The following ATP13A3 variants were observed in gnomAD, a reference collection of about 807,000 sequenced individuals.
ATP13A3 encodes the protein polyamine-transporting ATPase 13A3.
Under a neutral mutation model 158.1 loss-of-function variants are expected in ATP13A3, and 59 were observed. The observed-to-expected ratio is 0.37, with a 90% CI of 0.30 to 0.46. ATP13A3 has a LOEUF of 0.46. ATP13A3 is among the 20% of genes least tolerant of loss of function. The pLI is 1.00. For synonymous variants in ATP13A3, 491 were observed against 504.3 expected (o/e 0.97, Z 0.35); for missense variants, 1,166 against 1,525.2 (o/e 0.76, Z 3.92).
intron 24 of ATP13A3, among the ~76,000 whole-genome samples, chr3:194,430,664 TAA>T (rs1717150605): frequency 6.6e-6 from 1 of 152,116 alleles, no homozygotes; most frequent in Non-Finnish European, 1.5e-5. Flanking sequence ...ACCTGAAACA[TAA>T]CTGTTTACTA....
At chr3:194,433,030 T>A (rs567947877) in intron 21 of ATP13A3, among the ~76,000 whole-genome samples, 7 of 152,134 alleles carry the variant, frequency 4.6e-5, no homozygotes, top group Admixed American at 2.6e-4. Flanking sequence ...AATCATTTTC[T>A]ATGTAGCTGA....
chr3:194,444,009 C>T (rs1718225102), intron 15 of ATP13A3, among the ~76,000 whole-genome samples: 2 of 152,124 alleles, frequency 1.3e-5, no homozygotes, highest in African/African-American at 4.8e-5. Context: ...AATGTAAAAA[C>T]CACAATGTAA....
intron 29 of ATP13A3, among the ~76,000 whole-genome samples, chr3:194,426,640 G>A (rs1271437589): frequency 2.0e-5 from 3 of 152,142 alleles, no homozygotes; most frequent in African/African-American, 2.4e-5. Context: ...AAAGACAGGC[G>A]TGACCGTGAT....
intron 10 of ATP13A3, chr3:194,451,690 T>C (rs1718819047): frequency 6.6e-6 from 1 of 152,414 alleles, no homozygotes. Context: ...CAAAGCGGCT[T>C]CTGCCTCCAA....
chr3:194,487,040 C>A (rs1577101095), upstream of ATP13A3: 1 of 151,742 alleles, frequency 6.6e-6, no homozygotes, highest in Admixed American at 6.5e-5. Flanking sequence ...GGCTTCATCC[C>A]CGCGCGGAGG....
At chr3:194,432,129 A>G (rs1717269524) in intron 21 of ATP13A3, 2 of 417,696 alleles carry the variant, frequency 4.8e-6, no homozygotes, top group Non-Finnish European at 4.2e-6. Context: ...CACAATTTTT[A>G]AAGCCAAATA....
At chr3:194,465,901 G>A (rs377306478) in intron 2 of ATP13A3, among the ~76,000 whole-genome samples, 7 of 151,784 alleles carry the variant, frequency 4.6e-5, no homozygotes, top group African/African-American at 1.7e-4. Flanking sequence ...AGAATCGCTT[G>A]AATCCCAGAG....
chr3:194,447,940 T>A lies in ATP13A3; in HGVS notation c.1220A>T (p.Tyr407Phe). ...LYPKPTDFKLYRDAYLFLLCL... is the reference protein window; with the variant it reads ...LYPKPTDFKLFRDAYLFLLCL... ...TAGTAGAAACAAGTAGGCATCTCTGTAGAGTTTAAAATCAGTTGGTTTGGG... is the reference window on the plus strand; with the variant it reads ...TAGTAGAAACAAGTAGGCATCTCTGAAGAGTTTAAAATCAGTTGGTTTGGG... Residue 407 changes from tyrosine to phenylalanine, a missense_variant, in exon 13 of 34, where the codon TAC becomes TTC. Physicochemically the swap from Tyr to Phe is conservative, Grantham distance 22. Transcript: ENST00000645319. 1 of 1,611,072 alleles carries A rather than the reference T, an allele frequency of 6.2e-7. No homozygotes were observed. Among genetic ancestry groups the A allele is most frequent in the Non-Finnish European group, 8.5e-7 (1 of 1,177,320 alleles).
At chr3:194,465,279 T>C (rs1375447512) in intron 2 of ATP13A3, among the ~76,000 whole-genome samples, 2 of 152,126 alleles carry the variant, frequency 1.3e-5, no homozygotes, top group African/African-American at 4.8e-5. Flanking sequence ...GAGATGAAAC[T>C]GGAAGTCTGG....
In ATP13A3 at chr3:194,463,415, A is replaced by G. The variant is rs73889883; in HGVS notation, c.-46-1179T>C. 3.3e-3 allele frequency among the ~76,000 whole-genome samples: 503 copies of G among 152,002 alleles called. 5 individuals are homozygous for G. Among genetic ancestry groups the G allele is most frequent in the African/African-American group, 0.012 (486 of 41,440 alleles). On this transcript the variant is annotated intron_variant, in intron 2 of 33. Transcript: ENST00000645319. ...TTAGAAAATATCTTCCAAAAATGTT[A>G]CTTAAAATATAATTTTATTTTTGTA...
chr3:194,469,820 AC>A lies in ATP13A3; in HGVS notation c.-46-7585del, dbSNP rs541502994. On this transcript the variant is annotated intron_variant, in intron 2 of 33. Coordinates refer to ENST00000645319, the MANE Select transcript of ATP13A3 (RefSeq NM_001367549.1). ...TCTCAAACTTGTAAAATTTACAGTAACTGAGAAGATAACCTTGTCCAGTTCA... is the reference window on the plus strand; with the variant it reads ...TCTCAAACTTGTAAAATTTACAGTAATGAGAAGATAACCTTGTCCAGTTCA... Among the ~76,000 whole-genome samples, 420 of 152,354 alleles carry A rather than the reference AC, an allele frequency of 2.8e-3. 10 individuals are homozygous for A. Among genetic ancestry groups the A allele is most frequent in the South Asian group, 8.3e-3 (40 of 4,830 alleles).
chr3:194,435,867 A>T (rs1717595455), intron 20 of ATP13A3, among the ~76,000 whole-genome samples: 1 of 152,172 alleles, frequency 6.6e-6, no homozygotes, highest in Admixed American at 6.5e-5. Flanking sequence ...ACATCGTGCC[A>T]CTGCACTCCA....
chr3:194,415,868 C>T (rs1052244143), intron 31 of ATP13A3, among the ~76,000 whole-genome samples: 7 of 151,908 alleles, frequency 4.6e-5, no homozygotes, highest in Admixed American at 3.3e-4. Context: ...ACTAAAAAGT[C>T]CCTGCAATGG....
intron 2 of ATP13A3, among the ~76,000 whole-genome samples, chr3:194,463,666 C>G (rs1172801057): frequency 2.0e-5 from 3 of 152,316 alleles, no homozygotes; most frequent in South Asian, 2.1e-4. Flanking sequence ...GCACAGCAGG[C>G]TTGACACACG....
At chr3:194,449,163 A>G (rs1718624207) in intron 11 of ATP13A3, among the ~76,000 whole-genome samples, 2 of 152,196 alleles carry the variant, frequency 1.3e-5, no homozygotes, top group Non-Finnish European at 2.9e-5. Flanking sequence ...AAACAACCAC[A>G]AACAGCCAAA....
intron 32 of ATP13A3, among the ~76,000 whole-genome samples, chr3:194,413,404 T>A (rs113596532): frequency 0.017 from 2,622 of 152,334 alleles, 82 homozygotes; most frequent in African/African-American, 0.06. Context: ...GAGATTTTAC[T>A]GTACATCACA....
chr3:194,408,917 A>C (rs1177064332), intron 33 of ATP13A3, among the ~76,000 whole-genome samples: 1 of 152,218 alleles, frequency 6.6e-6, no homozygotes. Context: ...TGAAGGGAGA[A>C]AGGCAAGTAC....
chr3:194,409,362 G>T (rs963276632), intron 33 of ATP13A3, among the ~76,000 whole-genome samples: 2 of 152,064 alleles, frequency 1.3e-5, no homozygotes, highest in Non-Finnish European at 2.9e-5. Flanking sequence ...ATTCTAAGTG[G>T]CATAAAGACT....
intron 8 of ATP13A3, among the ~76,000 whole-genome samples, chr3:194,454,859 A>G (rs1021814450): frequency 1.3e-5 from 2 of 152,044 alleles, no homozygotes; most frequent in African/African-American, 4.8e-5. Context: ...ATATGCCATC[A>G]TACTCTTATT....
Sources: gnomAD v4.1 joint callset for allele counts (sites outside exome capture counted in the v4.1 genomes callset) on GRCh38, gnomAD v4.1.1 for gene constraint, MANE v1.5 for transcripts, NCBI Gene and HGNC (gene_info 2026-07-23, HGNC 2026-07-21) for gene names.